FGF14: variants seen among roughly 807,000 people sequenced by gnomAD.
FGF14 encodes the protein fibroblast growth factor homologous factor 4.
In FGF14, 5 loss-of-function variants were observed where a neutral mutation model predicts 25.5. The observed-to-expected ratio is 0.20, with a 90% CI of 0.10 to 0.41. The LOEUF is 0.41. FGF14 is among the 10% of genes least tolerant of loss of function. FGF14 has a pLI of 1.00. For synonymous variants in FGF14, 138 were observed against 118.3 expected, an observed-to-expected ratio of 1.17 and a Z score of -1.08; for missense variants, 222 against 320.1, an observed-to-expected ratio of 0.69 and a Z score of 2.34.
chr13:101,845,376 A>G (rs776540064), intron 3 of FGF14, among the ~76,000 whole-genome samples: 1 of 152,062 alleles, frequency 6.6e-6, no homozygotes, highest in Non-Finnish European at 1.5e-5. Flanking sequence ...TCCTCTAATT[A>G]TAACAGCTGG....
At chr13:102,291,374 C>T (rs1394462903) in intron 1 of FGF14, among the ~76,000 whole-genome samples, 1 of 152,014 alleles carries the variant, frequency 6.6e-6, no homozygotes, top group African/African-American at 2.4e-5. Context: ...ATTTTGAGTT[C>T]TGAGTAGAAG....
intron 3 of FGF14, among the ~76,000 whole-genome samples, chr13:101,772,416 T>A (rs2038834281): frequency 6.6e-6 from 1 of 152,108 alleles, no homozygotes; most frequent in African/African-American, 2.4e-5. Context: ...CTTTAAACTA[T>A]AGTATCAGGA....
intron 1 of FGF14, among the ~76,000 whole-genome samples, chr13:102,001,562 G>A (rs1436146412): frequency 6.6e-6 from 1 of 152,182 alleles, no homozygotes; most frequent in Non-Finnish European, 1.5e-5. Flanking sequence ...AAGAACATGG[G>A]TGTATCCCAC....
At chr13:101,840,066 C>G (rs2043124841) in intron 3 of FGF14, among the ~76,000 whole-genome samples, 1 of 151,990 alleles carries the variant, frequency 6.6e-6, no homozygotes, top group Non-Finnish European at 1.5e-5. Context: ...GCCTCAATCT[C>G]TTCTTGGCAA....
At chr13:101,835,255 TAGAG>T (rs377416797) in intron 3 of FGF14, among the ~76,000 whole-genome samples, 10 of 150,642 alleles carry the variant, frequency 6.6e-5, no homozygotes, top group South Asian at 2.1e-4. Flanking sequence ...GAGACTGAAA[TAGAG>T]AGAGAGAGAG....
intron 1 of FGF14, among the ~76,000 whole-genome samples, chr13:102,065,739 T>C (rs984723740): frequency 5.9e-5 from 9 of 151,916 alleles, no homozygotes; most frequent in African/African-American, 9.7e-5. Flanking sequence ...ACCTAGACAA[T>C]TGTCCAAATG....
intron 1 of FGF14, among the ~76,000 whole-genome samples, chr13:102,371,017 C>T (rs543764123): frequency 1.3e-4 from 19 of 151,936 alleles, no homozygotes; most frequent in African/African-American, 4.3e-4. Flanking sequence ...AAGATCTCTC[C>T]ACTTCTAGTG....
At chr13:102,280,550 G>A (rs950535871) in intron 1 of FGF14, among the ~76,000 whole-genome samples, 11 of 152,110 alleles carry the variant, frequency 7.2e-5, no homozygotes, top group African/African-American at 2.2e-4. Context: ...TGGAAAAGGA[G>A]GTCAATTTAA....
chr13:102,056,637 T>A (rs1001969295), intron 1 of FGF14, among the ~76,000 whole-genome samples: 8 of 151,976 alleles, frequency 5.3e-5, no homozygotes, highest in Non-Finnish European at 1.2e-4. Flanking sequence ...CTAAGAAACA[T>A]TTCGTAATAT....
intron 1 of FGF14, among the ~76,000 whole-genome samples, chr13:102,136,762 T>C (rs60320964): frequency 0.027 from 4,144 of 152,218 alleles, 177 homozygotes; most frequent in African/African-American, 0.095. Flanking sequence ...GGAAATGTAC[T>C]GTGTTCAGTT....
intron 1 of FGF14, among the ~76,000 whole-genome samples, chr13:101,877,389 T>C (rs138519189): frequency 1.1e-3 from 160 of 152,264 alleles, no homozygotes; most frequent in African/African-American, 3.5e-3. Flanking sequence ...GCACATTCTA[T>C]TATTAACTCT....
intron 1 of FGF14, chr13:102,263,244 G>T: frequency 2.5e-6 from 1 of 398,532 alleles, no homozygotes; most frequent in Non-Finnish European, 4.8e-6. Flanking sequence ...CGATGGCAGA[G>T]AAAGGACGAT....
intron 1 of FGF14, among the ~76,000 whole-genome samples, chr13:102,193,095 G>A (rs1461126341): frequency 6.6e-6 from 1 of 152,146 alleles, no homozygotes; most frequent in Non-Finnish European, 1.5e-5. Flanking sequence ...ATTAGTGTGA[G>A]TCTTCTTGGG....
intron 1 of FGF14, among the ~76,000 whole-genome samples, chr13:102,193,746 C>T (rs997755335): frequency 1.3e-5 from 2 of 152,118 alleles, no homozygotes; most frequent in African/African-American, 4.8e-5. Flanking sequence ...ACAACAATAA[C>T]AAACAGGAAC....
At chr13:102,371,092 G>A (rs1169465459) in intron 1 of FGF14, among the ~76,000 whole-genome samples, 2 of 152,114 alleles carry the variant, frequency 1.3e-5, no homozygotes, top group African/African-American at 4.8e-5. Context: ...CTGGCCACGT[G>A]TTATTTCATA....
chr13:101,907,304 A>T (rs539036469), intron 1 of FGF14, among the ~76,000 whole-genome samples: 3 of 152,230 alleles, frequency 2.0e-5, no homozygotes, highest in South Asian at 4.1e-4. Context: ...ATCAAATCAC[A>T]TGGAATAGTT....
intron 3 of FGF14, 48 bp downstream of exon 3, chr13:101,868,677 T>A (rs571128663): frequency 5.3e-6 from 6 of 1,138,306 alleles, no homozygotes; most frequent in African/African-American, 4.6e-5. Context: ...GCCATTGTTA[T>A]TTTACATGCA....
At chr13:102,320,965 CCT>C (rs1303812034) in intron 1 of FGF14, among the ~76,000 whole-genome samples, 1 of 152,090 alleles carries the variant, frequency 6.6e-6, no homozygotes, top group Non-Finnish European at 1.5e-5. Flanking sequence ...CTCAAAATAG[CCT>C]CTCTCTAATA....
At chr13:102,352,268 C>A (rs944581738) in intron 1 of FGF14, among the ~76,000 whole-genome samples, 1 of 151,532 alleles carries the variant, frequency 6.6e-6, no homozygotes, top group Non-Finnish European at 1.5e-5. Flanking sequence ...CACACACACA[C>A]ACACACACAC....
Sources: allele counts gnomAD v4.1 joint callset (sites outside exome capture counted in the v4.1 genomes callset), GRCh38; gene constraint gnomAD v4.1.1; transcripts MANE v1.5; gene names NCBI Gene and HGNC (gene_info 2026-07-23, HGNC 2026-07-21).